The following PALM2AKAP2 variants were observed in gnomAD, a reference collection of about 807,000 sequenced individuals.
The protein encoded by PALM2AKAP2 is PALM2-AKAP2 fusion protein.
PALM2AKAP2 carries 37 observed loss-of-function variants against 71.5 expected under a neutral mutation model. That is an observed-to-expected ratio of 0.52 (90% confidence interval 0.40 to 0.68). The LOEUF is 0.68. Ranked by LOEUF, PALM2AKAP2 falls within the 30% of genes least tolerant of loss-of-function variation. The pLI is 0.00. For missense variants in PALM2AKAP2, 1,224 were observed against 1,191.8 expected (o/e 1.03, Z -0.40); for synonymous variants, 468 against 478.8 (o/e 0.98, Z 0.29).
At chr9:109,665,853 G>C (rs1477765407) in intron 1 of PALM2AKAP2, among the ~76,000 whole-genome samples, 19 of 152,216 alleles carry the variant, frequency 1.2e-4, no homozygotes, top group Admixed American at 1.2e-3. Context: ...CACCCAGTTC[G>C]AGCTTCCCTG....
At chr9:110,118,961 T>G (rs1835424418) in intron 1 of PALM2AKAP2, among the ~76,000 whole-genome samples, 1 of 152,254 alleles carries the variant, frequency 6.6e-6, no homozygotes, top group African/African-American at 2.4e-5. Context: ...TCCATAGCAT[T>G]TATTAGTAGA....
chr9:109,652,765 G>A (rs1827244393), intron 1 of PALM2AKAP2, among the ~76,000 whole-genome samples: 1 of 152,122 alleles, frequency 6.6e-6, no homozygotes, highest in Non-Finnish European at 1.5e-5. Flanking sequence ...CATTGTCTTT[G>A]CCTTCATAGG....
intron 1 of PALM2AKAP2, among the ~76,000 whole-genome samples, chr9:110,117,973 TTGTGTGTG>T (rs1171400897): frequency 8.7e-5 from 12 of 138,554 alleles, no homozygotes; most frequent in South Asian, 2.3e-4. Flanking sequence ...ATATGTCGTT[TTGTGTGTG>T]TGTGTGTGTG....
At chr9:109,962,853 A>G (rs773081573) in intron 6 of PALM2AKAP2, among the ~76,000 whole-genome samples, 3 of 152,236 alleles carry the variant, frequency 2.0e-5, no homozygotes, top group African/African-American at 7.2e-5. Context: ...CATGTTGGCC[A>G]GGCTGGTCTC....
intron 3 of PALM2AKAP2, among the ~76,000 whole-genome samples, chr9:109,905,819 G>A (rs1253559553): frequency 6.6e-6 from 1 of 152,120 alleles, no homozygotes; most frequent in Non-Finnish European, 1.5e-5. Flanking sequence ...TACCATAAAT[G>A]ATCACAGGGA....
intron 6 of PALM2AKAP2, among the ~76,000 whole-genome samples, chr9:109,948,714 C>T (rs925381791): frequency 6.6e-6 from 1 of 152,120 alleles, no homozygotes; most frequent in Admixed American, 6.5e-5. Context: ...TCTCACAAAT[C>T]ATAAAATTCT....
At position 109,958,842 on chromosome 9, in the gene PALM2AKAP2, C is replaced by T. The variant is rs142408664; in HGVS notation, c.496+26814C>T. Among the ~76,000 whole-genome samples the T allele has an allele frequency of 2.6e-5, 4 of 152,270 alleles. No individual in the cohort carries two copies. The East Asian group carries it at 7.7e-4, about 29-fold the overall frequency. ...CCTGTGAAGTTACTAGTAAGCCACC[C>T]GTCACTGCCTTGTTCCAGGGTCTTG... On this transcript the variant is annotated intron_variant, in intron 6 of 9. Coordinates refer to the PALM2AKAP2 transcript ENST00000302798.
chr9:110,037,673 C>T (rs1466727077), intron 7 of PALM2AKAP2, among the ~76,000 whole-genome samples: 1 of 152,098 alleles, frequency 6.6e-6, no homozygotes, highest in Non-Finnish European at 1.5e-5. Context: ...GATTAATGCT[C>T]TGGAGAAAAA....
intron 1 of PALM2AKAP2, chr9:109,862,923 G>A (rs369386648): frequency 3.9e-6 from 2 of 515,048 alleles, no homozygotes; most frequent in East Asian, 5.5e-5. Context: ...AGTAGTCTTT[G>A]AGGTTGGATC....
intron 1 of PALM2AKAP2, among the ~76,000 whole-genome samples, chr9:109,707,393 C>T (rs896292271): frequency 6.6e-6 from 1 of 152,140 alleles, no homozygotes; most frequent in Non-Finnish European, 1.5e-5. Context: ...GCTTTGAAGT[C>T]AGGCACTTCA....
In PALM2AKAP2 at chr9:109,755,244, C is replaced by T. The variant is rs142468190; in HGVS notation, c.6-25244C>T. Among the ~76,000 whole-genome samples, 570 of 152,240 alleles carry T rather than the reference C, an allele frequency of 3.7e-3. 2 individuals carry two copies. Among genetic ancestry groups the T allele is most frequent in the African/African-American group, 0.013 (551 of 41,544 alleles). ...ACTCCTCCAACAGCTTCTCATTCAA[C>T]TGAAATCCAAATTCCTTATCCTGAC... On this transcript the variant is annotated intron_variant, in intron 1 of 6. Coordinates refer to the PALM2AKAP2 transcript ENST00000374531.
At chr9:109,827,604 G>A (rs758325036) in intron 1 of PALM2AKAP2, among the ~76,000 whole-genome samples, 4 of 152,042 alleles carry the variant, frequency 2.6e-5, no homozygotes, top group East Asian at 1.9e-4. Context: ...GTGAGACTCC[G>A]TCTAAAAAAA....
At chr9:110,107,102 A>C (rs1415392423) in intron 1 of PALM2AKAP2, among the ~76,000 whole-genome samples, 1 of 152,236 alleles carries the variant, frequency 6.6e-6, no homozygotes, top group Non-Finnish European at 1.5e-5. Context: ...CTTACTCTCC[A>C]CCCAGGCAGA....
intron 1 of PALM2AKAP2, among the ~76,000 whole-genome samples, chr9:109,853,377 C>A (rs1399098836): frequency 6.6e-6 from 1 of 152,180 alleles, no homozygotes; most frequent in African/African-American, 2.4e-5. Flanking sequence ...CCAATCTTTT[C>A]CATAACTGTA....
intron 1 of PALM2AKAP2, among the ~76,000 whole-genome samples, chr9:109,706,182 A>C (rs1390652517): frequency 6.6e-6 from 1 of 152,244 alleles, no homozygotes; most frequent in Non-Finnish European, 1.5e-5. Flanking sequence ...TGTAATTATG[A>C]ACTAAAAAGG....
At chr9:109,683,702 T>G (rs1049160545) in intron 1 of PALM2AKAP2, among the ~76,000 whole-genome samples, 3 of 152,166 alleles carry the variant, frequency 2.0e-5, no homozygotes, top group African/African-American at 7.2e-5. Flanking sequence ...GCCACGTGTG[T>G]GAGCATTGAG....
intron 1 of PALM2AKAP2, among the ~76,000 whole-genome samples, chr9:109,657,413 G>T (rs1375758433): frequency 6.6e-6 from 1 of 151,030 alleles, no homozygotes; most frequent in African/African-American, 2.5e-5. Context: ...GTTTAGTGTG[G>T]TGGCTTTATG....
In PALM2AKAP2 at chr9:110,156,277, G is replaced by T. The variant is rs766684994; in HGVS notation, c.2570-42G>T. The T allele has an allele frequency of 1.3e-6, 2 of 1,497,108 alleles. 1 individual carries two copies. 92.7% of individuals were successfully genotyped at this position (1,497,108 alleles called of 1,614,324 possible). On this transcript the variant is annotated intron_variant, in intron 2 of 3. Coordinates refer to ENST00000374525, the Ensembl canonical transcript of PALM2AKAP2. Reference sequence around the variant, plus strand: ...GTTTTCTTTCTAAAAGCAGTCATGAGCAGACAAGCTTAGAAAGGGTATTTT... The same window carrying T: ...GTTTTCTTTCTAAAAGCAGTCATGATCAGACAAGCTTAGAAAGGGTATTTT...
At chr9:110,056,829 A>G (rs902981603) in intron 1 of PALM2AKAP2, among the ~76,000 whole-genome samples, 3 of 152,186 alleles carry the variant, frequency 2.0e-5, no homozygotes, top group African/African-American at 7.2e-5. Context: ...ATGGAATCAC[A>G]ATGTGTATAT....
Sources: allele counts gnomAD v4.1 joint callset (sites outside exome capture counted in the v4.1 genomes callset), GRCh38; gene constraint gnomAD v4.1.1; transcripts MANE v1.5; gene names NCBI Gene and HGNC (gene_info 2026-07-23, HGNC 2026-07-21).